ARHGAP22: variants seen among roughly 807,000 people sequenced by gnomAD.
ARHGAP22 encodes the protein rho GTPase-activating protein 22.
ARHGAP22 carries 48 observed loss-of-function variants against 59.1 expected under a neutral mutation model. That is an observed-to-expected ratio of 0.81 (90% CI 0.64 to 1.03). The LOEUF (loss-of-function observed/expected upper bound fraction) is 1.03, where lower values mean the gene tolerates loss of function less well. Ranked by LOEUF, ARHGAP22 falls within the 50% of genes least tolerant of loss-of-function variation. The pLI is 0.00. For synonymous variants in ARHGAP22, 445 were observed against 416.4 expected (o/e 1.07, Z -0.84); for missense variants, 1,015 against 958.7 (o/e 1.06, Z -0.78).
At chr10:48,539,924 A>G (rs1203270808) in intron 3 of ARHGAP22, among the ~76,000 whole-genome samples, 3 of 152,202 alleles carry the variant, frequency 2.0e-5, no homozygotes, top group Non-Finnish European at 4.4e-5. Flanking sequence ...ATAACTAACC[A>G]TGTGCCAAGC....
chr10:48,508,715 C>A (rs1270606979), intron 3 of ARHGAP22, among the ~76,000 whole-genome samples: 4 of 152,262 alleles, frequency 2.6e-5, no homozygotes, highest in Admixed American at 6.5e-5. Flanking sequence ...CCCAGCCAGG[C>A]AGCTGTGTGA....
chr10:48,533,134 C>G (rs1314794831), intron 3 of ARHGAP22, among the ~76,000 whole-genome samples: 2 of 151,772 alleles, frequency 1.3e-5, no homozygotes, highest in African/African-American at 4.8e-5. Flanking sequence ...TGACCCTCAT[C>G]AACAGCATTG....
chr10:48,576,400 G>C (rs1293886993), intron 2 of ARHGAP22, among the ~76,000 whole-genome samples: 4 of 152,134 alleles, frequency 2.6e-5, no homozygotes, highest in African/African-American at 9.7e-5. Flanking sequence ...TTTGGTTATA[G>C]TTTTTCTTTT....
At chr10:48,566,668 A>C (rs1455415486) in intron 2 of ARHGAP22, among the ~76,000 whole-genome samples, 1 of 152,162 alleles carries the variant, frequency 6.6e-6, no homozygotes, top group Admixed American at 6.5e-5. Context: ...AGCAGATCGG[A>C]CCTGGGAACG....
rs147734674 is a variant in ARHGAP22 at position 48,599,931 on chromosome 10, T to C, written c.34+4832A>G. On this transcript the variant is annotated intron_variant, in intron 1 of 9. Coordinates refer to ENST00000249601, the MANE Select transcript of ARHGAP22 (RefSeq NM_021226.4). ...TGTATTGCTGGCATCCCTGGGGGCA[T>C]GAGCTGTTCAGTGACACGTCAGCCT... Among the ~76,000 whole-genome samples, 1,116 of 152,122 alleles carry C rather than the reference T, an allele frequency of 7.3e-3. 13 individuals carry two copies. The highest frequency in any genetic ancestry group is 0.026 in the African/African-American group (1,066 of 41,528).
intron 3 of ARHGAP22, among the ~76,000 whole-genome samples, chr10:48,527,197 A>C (rs1167357474): frequency 6.6e-6 from 1 of 152,164 alleles, no homozygotes; most frequent in Non-Finnish European, 1.5e-5. Flanking sequence ...GGATGGGTGC[A>C]TGGATGGATG....
intron 1 of ARHGAP22, among the ~76,000 whole-genome samples, chr10:48,615,254 T>C (rs2061036303): frequency 6.6e-6 from 1 of 152,204 alleles, no homozygotes; most frequent in Non-Finnish European, 1.5e-5. Flanking sequence ...CTTGAAGGCA[T>C]GCTTCAACAC....
At chr10:48,569,297 G>T (rs1398880080) in intron 2 of ARHGAP22, among the ~76,000 whole-genome samples, 1 of 152,294 alleles carries the variant, frequency 6.6e-6, no homozygotes, top group African/African-American at 2.4e-5. Context: ...GCTGCATTTT[G>T]CTGAGGAAGG....
At chr10:48,547,887 C>G (rs986620368) in intron 3 of ARHGAP22, among the ~76,000 whole-genome samples, 20 of 152,310 alleles carry the variant, frequency 1.3e-4, no homozygotes, top group African/African-American at 4.3e-4. Flanking sequence ...AGTCATGGAC[C>G]ATCTGGAGCA....
chr10:48,631,050 C>T (rs1026361133), intron 1 of ARHGAP22, among the ~76,000 whole-genome samples: 4 of 152,140 alleles, frequency 2.6e-5, no homozygotes, highest in African/African-American at 9.7e-5. Flanking sequence ...GATTTTTCTT[C>T]TTTAGCCTGT....
At chr10:48,652,465 C>T (rs957267980) in exon 1 of ARHGAP22, 12 of 619,660 alleles carry the variant, frequency 1.9e-5, no homozygotes, top group East Asian at 1.4e-4. Flanking sequence ...CAAGAAGCCT[C>T]GCTGTGAAGA....
intron 3 of ARHGAP22, among the ~76,000 whole-genome samples, chr10:48,525,849 G>A (rs776578947): frequency 6.6e-6 from 1 of 152,228 alleles, no homozygotes; most frequent in Admixed American, 6.5e-5. Context: ...ATGGAGTAAA[G>A]TGGGTGTCAA....
chr10:48,516,422 G>C (rs971932052), intron 3 of ARHGAP22, among the ~76,000 whole-genome samples: 1 of 152,082 alleles, frequency 6.6e-6, no homozygotes, highest in Non-Finnish European at 1.5e-5. Context: ...CACCTACTTG[G>C]GAGGCTGAGG....
intron 3 of ARHGAP22, among the ~76,000 whole-genome samples, chr10:48,535,000 G>A (rs922441227): frequency 6.6e-6 from 1 of 152,206 alleles, no homozygotes; most frequent in African/African-American, 2.4e-5. Context: ...CCCATCTGGT[G>A]TCTGGTCCAC....
intron 5 of ARHGAP22, among the ~76,000 whole-genome samples, chr10:48,458,465 G>C (rs1319687729): frequency 6.6e-6 from 1 of 152,176 alleles, no homozygotes; most frequent in Non-Finnish European, 1.5e-5. Flanking sequence ...CAGGATGGGA[G>C]AAGCTTGGCA....
At chr10:48,460,354 A>G (rs1183549815) in intron 4 of ARHGAP22, among the ~76,000 whole-genome samples, 1 of 152,246 alleles carries the variant, frequency 6.6e-6, no homozygotes, top group Non-Finnish European at 1.5e-5. Context: ...GACAGATGAC[A>G]TAGTAATGTG....
At chr10:48,611,453 T>C (rs1175717257) in intron 1 of ARHGAP22, among the ~76,000 whole-genome samples, 1 of 152,040 alleles carries the variant, frequency 6.6e-6, no homozygotes, top group Non-Finnish European at 1.5e-5. Flanking sequence ...CTGCCCAGGC[T>C]CCAAAGGCAA....
chr10:48,575,190 A>G (rs2058632215), intron 2 of ARHGAP22: 1 of 152,240 alleles, frequency 6.6e-6, no homozygotes, highest in East Asian at 1.9e-4. Context: ...AGGCATCTCC[A>G]GAAGCTGAGC....
At chr10:48,439,963 T>G in the ARHGAP22 span, among the ~76,000 whole-genome samples, 64 of 152,350 alleles carry the variant, frequency 4.2e-4, no homozygotes, top group South Asian at 3.7e-3. Flanking sequence ...CTGGATCAGC[T>G]GCGTGGCAGC....
Sources: allele counts gnomAD v4.1 joint callset (sites outside exome capture counted in the v4.1 genomes callset), GRCh38; gene constraint gnomAD v4.1.1; transcripts MANE v1.5; gene names NCBI Gene and HGNC (gene_info 2026-07-23, HGNC 2026-07-21).